The following PTPRG variants were observed in gnomAD, a reference collection of about 807,000 sequenced individuals.
The protein encoded by PTPRG is protein tyrosine phosphatase receptor type G, also known as receptor-type tyrosine-protein phosphatase gamma.
A neutral mutation model predicts 165.3 loss-of-function variants in PTPRG; 102 were observed. That is an observed-to-expected ratio of 0.62 (90% CI 0.53 to 0.73). The LOEUF is 0.73. PTPRG is among the 30% of genes least tolerant of loss of function. The pLI is 0.00. For synonymous variants in PTPRG, 675 were observed against 669.5 expected, an observed-to-expected ratio of 1.01 and a Z score of -0.13; for missense variants, 1,866 against 1,861.4, an observed-to-expected ratio of 1.00 and a Z score of -0.05.
chr3:61,981,019 G>A (rs572979169), intron 2 of PTPRG, among the ~76,000 whole-genome samples: 1 of 152,288 alleles, frequency 6.6e-6, no homozygotes, highest in African/African-American at 2.4e-5. Flanking sequence ...TTGAGACTGG[G>A]TAATTTATAA....
At chr3:61,772,648 A>G (rs1302912715) in intron 2 of PTPRG, among the ~76,000 whole-genome samples, 2 of 152,170 alleles carry the variant, frequency 1.3e-5, no homozygotes, top group East Asian at 1.9e-4. Context: ...ATCTGAGTCA[A>G]TACATAAAAA....
intron 3 of PTPRG, among the ~76,000 whole-genome samples, chr3:61,995,397 A>G (rs2041006601): frequency 6.6e-6 from 1 of 152,058 alleles, no homozygotes; most frequent in Non-Finnish European, 1.5e-5. Flanking sequence ...GCTCATTACA[A>G]GGTTTTCAAT....
rs528807462 is a variant in PTPRG at position 62,252,284 on chromosome 3, A to C, written c.2468-2840A>C. 2.0e-4 allele frequency among the ~76,000 whole-genome samples: 31 copies of C among 152,280 alleles called. No individual in the cohort carries two copies. The highest frequency in any genetic ancestry group is 7.2e-4 in the African/African-American group (30 of 41,564). On this transcript the variant is annotated intron_variant, in intron 15 of 29. Transcript: ENST00000474889. This position sits in a 1 kb window ranked among gnomAD's most constrained non-coding sequence, Gnocchi z 4.6. ...AGACCATCTCCCTAATATCTGGCTG[A>C]ATACTAGGTGCTCAGAAACGGCTTC...
At chr3:61,987,688 AC>A (rs1278224111) in intron 2 of PTPRG, among the ~76,000 whole-genome samples, 3 of 148,536 alleles carry the variant, frequency 2.0e-5, no homozygotes, top group Admixed American at 6.6e-5. Context: ...GGATTTACAA[AC>A]TCAATTGTGG....
At chr3:61,977,648 A>G (rs1575843125) in intron 2 of PTPRG, among the ~76,000 whole-genome samples, 2 of 152,104 alleles carry the variant, frequency 1.3e-5, no homozygotes, top group African/African-American at 4.8e-5. Context: ...TGAAATTTAT[A>G]TGGTTTTTTA....
intron 8 of PTPRG, among the ~76,000 whole-genome samples, chr3:62,172,058 G>A (rs995407231): frequency 2.6e-5 from 4 of 152,042 alleles, no homozygotes; most frequent in South Asian, 2.1e-4. Context: ...TCTGTATTGG[G>A]GGCTGTGTAT....
intron 3 of PTPRG, among the ~76,000 whole-genome samples, chr3:62,003,046 A>G (rs1309059703): frequency 6.6e-6 from 1 of 152,084 alleles, no homozygotes; most frequent in African/African-American, 2.4e-5. Flanking sequence ...GGAGACACTG[A>G]TTCAGAGCGA....
chr3:61,694,864 C>G (rs891055371), intron 1 of PTPRG, among the ~76,000 whole-genome samples: 1 of 152,122 alleles, frequency 6.6e-6, no homozygotes, highest in African/African-American at 2.4e-5. Flanking sequence ...TTCTCATTCT[C>G]TCTCTCTCAC....
intron 2 of PTPRG, among the ~76,000 whole-genome samples, chr3:61,867,883 G>A (rs1013333671): frequency 1.3e-5 from 2 of 152,144 alleles, no homozygotes; most frequent in African/African-American, 2.4e-5. Flanking sequence ...CCAGGGATGC[G>A]TTTGTAAAGC....
At chr3:62,011,502 G>A (rs9842578) in intron 4 of PTPRG, among the ~76,000 whole-genome samples, 56,776 of 152,032 alleles carry the variant, frequency 0.37, 10,803 homozygotes, top group African/African-American at 0.46. Context: ...TCTGGTGTTT[G>A]CTATTCTGTG....
At position 62,060,405 on chromosome 3, in the gene PTPRG, C is replaced by T. The variant is rs549314277; in HGVS notation, c.520-17758C>T. Among the ~76,000 whole-genome samples, 10 of 152,206 alleles carry T rather than the reference C, an allele frequency of 6.6e-5. No homozygotes were observed. The South Asian group carries it at 2.1e-3, about 32-fold the overall frequency. The stretch of plus-strand genomic sequence containing the variant: ...TAAATAGAAAGTCAGTAGATGGTTA[C>T]TCTTGGTTGGAGGGTAGTGACCAGA... On this transcript the variant is annotated intron_variant, in intron 4 of 29. Transcript: ENST00000474889.
At chr3:61,779,086 A>C (rs2034469390) in intron 2 of PTPRG, among the ~76,000 whole-genome samples, 1 of 152,180 alleles carries the variant, frequency 6.6e-6, no homozygotes, top group Non-Finnish European at 1.5e-5. Context: ...ACACGTTCTA[A>C]GGGAGGGAAG....
In PTPRG at chr3:62,296,432, TTTAAAA is replaced by T. The variant is rs1703065856; in HGVS notation, c.*3133_*3138del. On this transcript the variant is annotated 3_prime_UTR_variant, in exon 30 of 30. Coordinates refer to ENST00000474889, the MANE Select transcript of PTPRG (RefSeq NM_002841.4). Reference sequence around the variant, plus strand: ...TTTTCTTAAATGCATATATACTGTATTTAAAATTAAAATATAGATACCAATTTACCA... The same window carrying T: ...TTTTCTTAAATGCATATATACTGTATTTAAAATATAGATACCAATTTACCA... The T allele has an allele frequency of 6.6e-6, 1 of 151,912 alleles. No individual in the cohort carries two copies. Among genetic ancestry groups the T allele is most frequent in the Admixed American group, 6.6e-5 (1 of 15,234 alleles). The allele number at this position is 151,912 out of a possible 1,614,324, so 9.4% of individuals were successfully genotyped here. A position where few individuals can be genotyped will look rare whatever the true frequency, so the allele number is the denominator to read the frequency against.
intron 4 of PTPRG, among the ~76,000 whole-genome samples, chr3:62,068,302 A>G (rs1280600092): frequency 6.6e-6 from 1 of 152,084 alleles, no homozygotes; most frequent in Non-Finnish European, 1.5e-5. Context: ...GGCTCTTGTA[A>G]TAGTTATTGG....
intron 5 of PTPRG, among the ~76,000 whole-genome samples, chr3:62,094,717 A>T (rs1383611687): frequency 1.3e-5 from 2 of 152,206 alleles, no homozygotes; most frequent in East Asian, 3.9e-4. Flanking sequence ...GAGGCTATCC[A>T]GGGCCTATGC....
At chr3:62,030,309 T>A (rs1699724210) in intron 4 of PTPRG, among the ~76,000 whole-genome samples, 1 of 152,142 alleles carries the variant, frequency 6.6e-6, no homozygotes, top group South Asian at 2.1e-4. Context: ...AACTGATATT[T>A]ATCGAGCTTC....
intron 19 of PTPRG, among the ~76,000 whole-genome samples, chr3:62,268,383 C>T (rs879417944): frequency 6.6e-6 from 1 of 152,052 alleles, no homozygotes; most frequent in African/African-American, 2.4e-5. Context: ...AAAAGCTACA[C>T]TTCAAGGAAT....
At chr3:61,902,048 C>G (rs1446220602) in intron 2 of PTPRG, among the ~76,000 whole-genome samples, 1 of 152,152 alleles carries the variant, frequency 6.6e-6, no homozygotes, top group African/African-American at 2.4e-5. Context: ...GTCCTACCAG[C>G]TTGGTGTGGA....
rs143319615 is a variant in PTPRG at position 61,985,960 on chromosome 3, A to G, written c.191-3665A>G. On this transcript the variant is annotated intron_variant, in intron 2 of 29. Coordinates refer to ENST00000474889, the MANE Select transcript of PTPRG (RefSeq NM_002841.4). ...TGAAACGAATTTAATATATTAGTGA[A>G]GAACGAAAAGGAGTATTTACTCCTG... Among the ~76,000 whole-genome samples the G allele has an allele frequency of 8.5e-3, 1,294 of 152,286 alleles. 62 individuals are homozygous for G. Among genetic ancestry groups the G allele is most frequent in the Admixed American group, 0.075 (1,142 of 15,296 alleles).
Sources: gnomAD v4.1 joint callset for allele counts (sites outside exome capture counted in the v4.1 genomes callset) on GRCh38, gnomAD v4.1.1 for gene constraint, Gnocchi (gnomAD v3.1) non-coding constraint, MANE v1.5 for transcripts, NCBI Gene and HGNC (gene_info 2026-07-23, HGNC 2026-07-21) for gene names.